Variants in PPP2R2B observed in about 807,000 individuals in gnomAD.
PPP2R2B encodes the protein serine/threonine-protein phosphatase 2A 55 kDa regulatory subunit B beta isoform.
In PPP2R2B, 5 loss-of-function variants were observed where a neutral mutation model predicts 46.0. The observed-to-expected ratio is 0.11, with a 90% CI of 0.06 to 0.23. The LOEUF is 0.23. Ranked by LOEUF, PPP2R2B falls within the 10% of genes least tolerant of loss-of-function variation. The probability of loss-of-function intolerance (pLI) is 1.00; values close to 1 mark genes in which losing one functional copy is unlikely to be tolerated. For missense variants in PPP2R2B, 367 were observed against 575.0 expected (o/e 0.64, Z 3.70); for synonymous variants, 215 against 206.7 (o/e 1.04, Z -0.34).
rs1174472298 is a variant in PPP2R2B at position 146,812,801 on chromosome 5, A to T, written c.70+65201T>A. Among the ~76,000 whole-genome samples, 12 of 51,184 alleles carry T rather than the reference A, an allele frequency of 2.3e-4. 4 individuals carry two copies. Among genetic ancestry groups the T allele is most frequent in the African/African-American group, 9.6e-4 (12 of 12,526 alleles). 33.6% of individuals were successfully genotyped at this position (51,184 alleles called of 152,430 possible). A position where few individuals can be genotyped will look rare whatever the true frequency, so the allele number is the denominator to read the frequency against. On this transcript the variant is annotated intron_variant, in intron 2 of 9. Coordinates refer to ENST00000394411, the MANE Select transcript of PPP2R2B (RefSeq NM_181675.4). ...TGTGTGTGTATATGTGTGTATATATATATATATATATATATATATATATAT... is the reference window on the plus strand; with the variant it reads ...TGTGTGTGTATATGTGTGTATATATTTATATATATATATATATATATATAT...
At chr5:146,660,586 C>T (rs1021056950) in intron 5 of PPP2R2B, among the ~76,000 whole-genome samples, 1 of 152,078 alleles carries the variant, frequency 6.6e-6, no homozygotes, top group South Asian at 2.1e-4. Context: ...ATGAAACTGC[C>T]ACTCACCAGC....
chr5:146,642,186 G>C (rs1775267157), intron 6 of PPP2R2B, among the ~76,000 whole-genome samples: 1 of 152,220 alleles, frequency 6.6e-6, no homozygotes, highest in African/African-American at 2.4e-5. Context: ...GAAGGCAGAA[G>C]AGGGGAAGGT....
intron 2 of PPP2R2B, among the ~76,000 whole-genome samples, chr5:146,853,900 T>A (rs965769279): frequency 6.6e-5 from 10 of 152,056 alleles, no homozygotes; most frequent in African/African-American, 2.4e-4. Flanking sequence ...TGCTTCCTCA[T>A]GAGCCCTGCT....
chr5:146,794,685 A>G (rs1355060407), intron 2 of PPP2R2B, among the ~76,000 whole-genome samples: 2 of 152,194 alleles, frequency 1.3e-5, no homozygotes, highest in Non-Finnish European at 2.9e-5. Context: ...AACTGCACAA[A>G]TGATTTCCTT....
At chr5:146,814,353 G>C (rs994475242) in intron 2 of PPP2R2B, among the ~76,000 whole-genome samples, 4 of 152,068 alleles carry the variant, frequency 2.6e-5, no homozygotes, top group African/African-American at 9.7e-5. Context: ...TGTTACAGTA[G>C]GTAGCTATTC....
At chr5:147,029,096 T>C (rs528600364) in intron 1 of PPP2R2B, among the ~76,000 whole-genome samples, 1 of 152,332 alleles carries the variant, frequency 6.6e-6, no homozygotes, top group Non-Finnish European at 1.5e-5. Context: ...ACACTGTGTC[T>C]TGCCTTTTTA....
At chr5:147,001,405 G>C (rs931997120) in intron 1 of PPP2R2B, among the ~76,000 whole-genome samples, 1 of 151,348 alleles carries the variant, frequency 6.6e-6, no homozygotes, top group Non-Finnish European at 1.5e-5. Context: ...CTCCAGACAC[G>C]CCATCTTTAA....
chr5:146,828,019 GAGAGACAGAGAC>G (rs1303969199), intron 2 of PPP2R2B, among the ~76,000 whole-genome samples: 5 of 145,336 alleles, frequency 3.4e-5, no homozygotes, highest in Admixed American at 2.0e-4. Context: ...GAGAGAGAGA[GAGAGACAGAGAC>G]AGAGACAGAG....
At chr5:146,639,328 G>GT (rs369496152) in intron 6 of PPP2R2B, among the ~76,000 whole-genome samples, 13 of 151,468 alleles carry the variant, frequency 8.6e-5, no homozygotes, top group South Asian at 2.1e-4. Flanking sequence ...TATCATCTGG[G>GT]TTTTTTTTTC....
chr5:146,977,812 T>G (rs1339727055), intron 1 of PPP2R2B, among the ~76,000 whole-genome samples: 1 of 152,340 alleles, frequency 6.6e-6, no homozygotes, highest in East Asian at 1.9e-4. Context: ...TCTTTGATAT[T>G]GTGAATAGTG....
upstream of PPP2R2B, among the ~76,000 whole-genome samples, chr5:147,058,341 C>T (rs1757155143): frequency 6.6e-6 from 1 of 152,154 alleles, no homozygotes; most frequent in African/African-American, 2.4e-5. Flanking sequence ...CATGCTTCAA[C>T]TTTAATTGTG....
chr5:146,849,640 C>A (rs1237942071), intron 2 of PPP2R2B, among the ~76,000 whole-genome samples: 1 of 152,046 alleles, frequency 6.6e-6, no homozygotes, highest in Non-Finnish European at 1.5e-5. Context: ...CAAGAGGGTG[C>A]ACTAACAAAG....
intron 2 of PPP2R2B, among the ~76,000 whole-genome samples, chr5:146,840,212 A>G (rs563340769): frequency 6.6e-6 from 1 of 152,310 alleles, no homozygotes; most frequent in South Asian, 2.1e-4. Context: ...TTGCTGCCTG[A>G]TTGAGTTCCC....
intron 6 of PPP2R2B, among the ~76,000 whole-genome samples, chr5:146,646,792 T>C (rs1315709399): frequency 2.6e-5 from 4 of 152,200 alleles, no homozygotes; most frequent in Non-Finnish European, 5.9e-5. Context: ...ATCATGATTG[T>C]GCTAGTCCTG....
intron 5 of PPP2R2B, among the ~76,000 whole-genome samples, chr5:146,655,693 G>T (rs950700768): frequency 6.6e-6 from 1 of 152,170 alleles, no homozygotes; most frequent in Non-Finnish European, 1.5e-5. Flanking sequence ...ACCCTTAGTC[G>T]CTTAAGGCAC....
At chr5:146,979,555 T>G (rs1582538433) in intron 1 of PPP2R2B, among the ~76,000 whole-genome samples, 1 of 135,316 alleles carries the variant, frequency 7.4e-6, no homozygotes, top group East Asian at 2.2e-4. Flanking sequence ...CTTCCCACCT[T>G]GAAACACACA....
chr5:147,026,716 GC>G (rs1755543825), intron 1 of PPP2R2B, among the ~76,000 whole-genome samples: 1 of 152,008 alleles, frequency 6.6e-6, no homozygotes, highest in African/African-American at 2.4e-5. Context: ...AATATCTTTA[GC>G]CACCAGGGAA....
At chr5:146,652,694 G>C (rs1776055849) in intron 5 of PPP2R2B, among the ~76,000 whole-genome samples, 1 of 152,162 alleles carries the variant, frequency 6.6e-6, no homozygotes, top group South Asian at 2.1e-4. Context: ...GGTCACTGTA[G>C]TTGAGACAGA....
At chr5:146,955,973 T>A (rs1269212274) in intron 1 of PPP2R2B, among the ~76,000 whole-genome samples, 1 of 151,726 alleles carries the variant, frequency 6.6e-6, no homozygotes. Context: ...GAGATGGGGT[T>A]TCACCACGTT....
Sources: gnomAD v4.1 joint callset for allele counts (sites outside exome capture counted in the v4.1 genomes callset) on GRCh38, gnomAD v4.1.1 for gene constraint, MANE v1.5 for transcripts, NCBI Gene and HGNC (gene_info 2026-07-23, HGNC 2026-07-21) for gene names.